The following TMEM161A variants were observed in gnomAD, a reference collection of about 807,000 sequenced individuals.
TMEM161A encodes the protein adaptive response to oxidative stress protein 29.
A neutral mutation model predicts 57.1 loss-of-function variants in TMEM161A; 46 were observed. That is an observed-to-expected ratio of 0.81 (90% CI 0.64 to 1.03). The LOEUF (loss-of-function observed/expected upper bound fraction) is 1.03, where lower values mean the gene tolerates loss of function less well. Ranked by LOEUF, TMEM161A falls within the 50% of genes least tolerant of loss-of-function variation. The probability of loss-of-function intolerance (pLI) is 0.00; values close to 1 mark genes in which losing one functional copy is unlikely to be tolerated. For synonymous variants in TMEM161A, 288 were observed against 279.0 expected (o/e 1.03, Z -0.32); for missense variants, 601 against 621.5 (o/e 0.97, Z 0.35).
At position 19,124,229 on chromosome 19, in the gene TMEM161A, G is replaced by A. The variant is rs2059921967; in HGVS notation, c.596-2410C>T. Among the ~76,000 whole-genome samples the A allele has an allele frequency of 3.3e-5, 5 of 152,230 alleles. No individual in the cohort carries two copies. In the South Asian group the frequency reaches 1.0e-3, roughly 31 times the overall value. ...CTGACAGAATTGATAGGGAAATTGA[G>A]AGCTCTCTTGTCCCAGAGGGAGATT... On this transcript the variant is annotated intron_variant, in intron 6 of 11. Transcript: ENST00000162044.
Position 19,134,860 on chromosome 19 carries a change from T to C in TMEM161A, c.31A>G (p.Thr11Ala). MAVLGVQLVV[T>A]LLTATLMHRL... ...TGCATGAGGGTGGCAGTGAGCAGGG[T>C]CACCACCAGCTGTACTCCGAGGACC... The change falls in exon 2 of 12, where the codon ACC becomes GCC. Residue 11 changes from threonine to alanine, a missense_variant. By Grantham distance (58) the Thr-to-Ala change is moderately conservative (BLOSUM62 0). Coordinates refer to ENST00000162044, the MANE Select transcript of TMEM161A (RefSeq NM_017814.3). 1 of 1,597,160 alleles carries C rather than the reference T, an allele frequency of 6.3e-7. No individual in the cohort carries two copies. Among genetic ancestry groups the C allele is most frequent in the Non-Finnish European group, 8.5e-7 (1 of 1,172,566 alleles).
intron 1 of TMEM161A, among the ~76,000 whole-genome samples, chr19:19,137,613 C>T (rs1416483178): frequency 6.6e-6 from 1 of 152,214 alleles, no homozygotes; most frequent in Non-Finnish European, 1.5e-5. Flanking sequence ...TCTCCTACGG[C>T]GTCCTGCACC....
chr19:19,120,288 CCT>C (rs1342913291), intron 11 of TMEM161A, 105 bp from the exon 12 acceptor site: 15 of 1,021,976 alleles, frequency 1.5e-5, no homozygotes, highest in East Asian at 7.9e-5. Context: ...CACTCCCACC[CCT>C]GTCTCAGACT....
Position 19,121,423 on chromosome 19 carries a change from T to C in TMEM161A, c.801-2A>G. 2 of 1,613,830 alleles carry C rather than the reference T, an allele frequency of 1.2e-6. No individual in the cohort carries two copies. The highest frequency in any genetic ancestry group is 1.7e-6 in the Non-Finnish European group (2 of 1,179,802). The stretch of plus-strand genomic sequence containing the variant: ...AGGAAGCTGGTGTGCAGGAGGAACC[T>C]GGGGGGTGAGGGCAGGAGGGAGTGA... On this transcript the variant is annotated splice_acceptor_variant, in intron 8 of 11. Transcript: ENST00000162044. LOFTEE classifies it high-confidence loss of function. The surrounding 1 kb of genome is among the most constrained non-coding windows in gnomAD (Gnocchi z 5.8).
intron 6 of TMEM161A, among the ~76,000 whole-genome samples, chr19:19,127,491 TTG>T (rs1376220009): frequency 1.1e-4 from 17 of 151,336 alleles, no homozygotes; most frequent in Non-Finnish European, 1.3e-4. Flanking sequence ...GGCTAATTTT[TTG>T]TATTTTTTTT....
Position 19,120,766 on chromosome 19 carries a change from C to T in TMEM161A, c.1185G>A (p.Leu395=). Reference sequence around the variant, plus strand: ...CACCCCCACACCGCGGCATCTCACCCAGCGTCTTGAGCAGAAGTGTGCAGT... The same window carrying T: ...CACCCCCACACCGCGGCATCTCACCTAGCGTCTTGAGCAGAAGTGTGCAGT... ...TLNCTLLLKT[L]GGYSWGLGPA... The change falls in exon 11 of 12, where the codon CTG becomes CTA. Residue 395 remains leucine, a splice_region_variant and synonymous_variant. Coordinates refer to ENST00000162044, the MANE Select transcript of TMEM161A (RefSeq NM_017814.3). The T allele has an allele frequency of 6.2e-7, 1 of 1,613,184 alleles. No individual in the cohort carries two copies. The highest frequency in any genetic ancestry group is 1.7e-4 in the Middle Eastern group (1 of 6,014).
rs1050930611 is a variant in TMEM161A at position 19,121,645 on chromosome 19, A to G, written c.680T>C (p.Ile227Thr). The G allele has an allele frequency of 6.2e-7, 1 of 1,613,852 alleles. No individual in the cohort carries two copies. Among genetic ancestry groups the G allele is most frequent in the Admixed American group, 1.7e-5 (1 of 60,014 alleles). The change falls in exon 8 of 12, where the codon ATC becomes ACC. Residue 227 changes from isoleucine to threonine, a missense_variant. Physicochemically the swap from Ile to Thr is moderately conservative, Grantham distance 89 (BLOSUM62 -1). Coordinates refer to ENST00000162044, the MANE Select transcript of TMEM161A (RefSeq NM_017814.3). The surrounding 1 kb of genome is among the most constrained non-coding windows in gnomAD (Gnocchi z 5.8). Reference protein sequence around the residue: ...DWALPVAKLAIRVGLAVVGSV... With the variant: ...DWALPVAKLATRVGLAVVGSV... ...GCCCACCACTGCCAGTCCCACGCGG[A>G]TAGCCAGCTTGGCCACAGGAAGCCT...
chr19:19,119,715 C>T lies in TMEM161A; in HGVS notation c.*215G>A. The T allele has an allele frequency of 1.6e-6, 1 of 607,334 alleles. No homozygotes were observed. The highest frequency in any genetic ancestry group is 2.8e-5 in the East Asian group (1 of 35,696). 37.6% of individuals were successfully genotyped at this position (607,334 alleles called of 1,614,324 possible). Reference sequence around the variant, plus strand: ...ACATACGCTTCGGAGACAATGGCCTCGGGACCCTCATGCTGCTGGGCCCAG... The same window carrying T: ...ACATACGCTTCGGAGACAATGGCCTTGGGACCCTCATGCTGCTGGGCCCAG... On this transcript the variant is annotated 3_prime_UTR_variant, in exon 12 of 12. Transcript: ENST00000162044.
rs576060322 is a variant in TMEM161A at position 19,120,746 on chromosome 19, C to T, written c.1186+19G>A. 2 of 1,611,276 alleles carry T rather than the reference C, an allele frequency of 1.2e-6. No individual in the cohort carries two copies. The highest frequency in any genetic ancestry group is 1.7e-6 in the Non-Finnish European group (2 of 1,178,944). ...TTCCAACTCCGCCCCTCCTCCACCCCCACACCGCGGCATCTCACCCAGCGT... is the reference window on the plus strand; with the variant it reads ...TTCCAACTCCGCCCCTCCTCCACCCTCACACCGCGGCATCTCACCCAGCGT... On this transcript the variant is annotated intron_variant, in intron 11 of 11. Coordinates refer to ENST00000162044, the MANE Select transcript of TMEM161A (RefSeq NM_017814.3).
chr19:19,133,054 C>T, intron 3 of TMEM161A, 76 bp downstream of exon 3: 1 of 1,399,158 alleles, frequency 7.1e-7, no homozygotes, highest in Non-Finnish European at 9.9e-7. Context: ...AGCCCAGAGC[C>T]CCCTGAGCAG....
chr19:19,120,454 G>GC, intron 11 of TMEM161A, among the ~76,000 whole-genome samples: 1 of 149,222 alleles, frequency 6.7e-6, no homozygotes, highest in Non-Finnish European at 1.5e-5. Flanking sequence ...CCCTCCCCAG[G>GC]CTCCACCTCC....
At chr19:19,120,692 G>A in intron 11 of TMEM161A, 73 bp downstream of exon 11, 3 of 492,072 alleles carry the variant, frequency 6.1e-6, no homozygotes, top group South Asian at 2.4e-5. Flanking sequence ...CGCGGTCCCC[G>A]CCAGAGTCCA....
chr19:19,131,739 T>C (rs1318051468), intron 5 of TMEM161A, among the ~76,000 whole-genome samples: 1 of 152,150 alleles, frequency 6.6e-6, no homozygotes, highest in South Asian at 2.1e-4. Flanking sequence ...TTGGTCAGGC[T>C]GGTCTTGAAC....
At chr19:19,120,366 G>C (rs1249269427) in intron 11 of TMEM161A, among the ~76,000 whole-genome samples, 183 bp from the exon 12 acceptor site, 1 of 151,676 alleles carries the variant, frequency 6.6e-6, no homozygotes, top group Non-Finnish European at 1.5e-5. Context: ...CCTACCCCAG[G>C]CCCCACCTCC....
chr19:19,136,442 G>A (rs944030069), intron 1 of TMEM161A, among the ~76,000 whole-genome samples: 4 of 152,018 alleles, frequency 2.6e-5, no homozygotes, highest in African/African-American at 9.7e-5. Flanking sequence ...GATCACTTGA[G>A]GTCAGGAGTT....
intron 6 of TMEM161A, among the ~76,000 whole-genome samples, chr19:19,124,815 C>T (rs886237417): frequency 6.6e-6 from 1 of 151,848 alleles, no homozygotes; most frequent in Non-Finnish European, 1.5e-5. Context: ...ATTAGCCAGG[C>T]GTGGTGGCGT....
chr19:19,123,080 G>A (rs1234776271), intron 6 of TMEM161A, among the ~76,000 whole-genome samples: 1 of 152,182 alleles, frequency 6.6e-6, no homozygotes, highest in African/African-American at 2.4e-5. Flanking sequence ...ATTAGGAACA[G>A]CCAAAGGAGG....
In TMEM161A at chr19:19,119,786, G is replaced by A; in HGVS notation, c.*144C>T. The A allele has an allele frequency of 1.0e-5, 11 of 1,064,266 alleles. No individual in the cohort carries two copies. The highest frequency in any genetic ancestry group is 1.6e-5 in the South Asian group (1 of 60,688). The allele number at this position is 1,064,266 out of a possible 1,614,324, so 65.9% of individuals were successfully genotyped here. ...AAACTCGGCGTCCAAGGGGGGCCGCGGGTCAGGCACTGTGGTGAAGGGAAC... is the reference window on the plus strand; with the variant it reads ...AAACTCGGCGTCCAAGGGGGGCCGCAGGTCAGGCACTGTGGTGAAGGGAAC... On this transcript the variant is annotated 3_prime_UTR_variant, in exon 12 of 12. Transcript: ENST00000162044.
chr19:19,121,552 G>T lies in TMEM161A; in HGVS notation c.773C>A (p.Thr258Asn). The change falls in exon 8 of 12, where the codon ACC (threonine) becomes AAC (asparagine). Residue 258 changes from threonine to asparagine, a missense_variant. Coordinates refer to ENST00000162044, the MANE Select transcript of TMEM161A (RefSeq NM_017814.3). The surrounding 1 kb of genome is among the most constrained non-coding windows in gnomAD (Gnocchi z 5.8). Reference sequence around the variant, plus strand: ...CAGCATGGGTCTGTCCTCCGACATGGTCAGTGCGTCCCGGTGGGTCTGGGC... The same window carrying T: ...CAGCATGGGTCTGTCCTCCGACATGTTCAGTGCGTCCCGGTGGGTCTGGGC... Reference protein sequence around the residue: ...RLAQTHRDALTMSEDRPMLQF... With the variant: ...RLAQTHRDALNMSEDRPMLQF... 1 of 1,614,000 alleles carries T rather than the reference G, an allele frequency of 6.2e-7. No individual in the cohort carries two copies. The highest frequency in any genetic ancestry group is 8.5e-7 in the Non-Finnish European group (1 of 1,179,972).
Sources: allele counts gnomAD v4.1 joint callset (sites outside exome capture counted in the v4.1 genomes callset), GRCh38; gene constraint gnomAD v4.1.1; non-coding constraint Gnocchi (gnomAD v3.1); transcripts MANE v1.5; gene names NCBI Gene and HGNC (gene_info 2026-07-23, HGNC 2026-07-21).